INKA2: variants seen among roughly 807,000 people sequenced by gnomAD.
INKA2 encodes the protein PAK4-inhibitor INKA2.
In INKA2, 3 loss-of-function variants were observed where a neutral mutation model predicts 9.8. The ratio of observed to expected loss-of-function variants is 0.31; its 90% CI spans 0.14 to 0.79. The LOEUF is 0.79. Ranked by LOEUF, INKA2 falls within the 30% of genes least tolerant of loss-of-function variation. The probability of loss-of-function intolerance (pLI) is 0.62; values close to 1 mark genes in which losing one functional copy is unlikely to be tolerated. For missense variants in INKA2, 392 were observed against 384.4 expected (o/e 1.02, Z -0.17); for synonymous variants, 147 against 143.3 (o/e 1.03, Z -0.18).
intron 1 of INKA2, among the ~76,000 whole-genome samples, chr1:111,738,368 A>G (rs197439): frequency 0.49 from 73,925 of 151,630 alleles, 19,307 homozygotes; most frequent in African/African-American, 0.69. Context: ...AGCTTTAGCG[A>G]ACACCACTCC....
chr1:111,735,401 T>TA (rs1388208843), intron 1 of INKA2, among the ~76,000 whole-genome samples: 4 of 152,338 alleles, frequency 2.6e-5, no homozygotes, highest in South Asian at 2.1e-4. Flanking sequence ...GCGAGGCACT[T>TA]AAATTGTCAT....
chr1:111,743,352 G>A (rs1251463137), upstream of INKA2, among the ~76,000 whole-genome samples: 3 of 152,200 alleles, frequency 2.0e-5, no homozygotes, highest in African/African-American at 7.2e-5. Flanking sequence ...TTGCCCTCCA[G>A]TGGTCGGTAC....
intron 1 of INKA2, among the ~76,000 whole-genome samples, chr1:111,729,680 A>G (rs186568707): frequency 6.6e-6 from 1 of 152,324 alleles, no homozygotes; most frequent in East Asian, 1.9e-4. Flanking sequence ...GACCCGTGGG[A>G]TCATCTTACC....
At chr1:111,734,953 C>T (rs1662981994) in intron 1 of INKA2, among the ~76,000 whole-genome samples, 1 of 152,214 alleles carries the variant, frequency 6.6e-6, no homozygotes, top group Non-Finnish European at 1.5e-5. Context: ...GCTCTGCAAT[C>T]AGACTGGCGG....
At chr1:111,735,826 G>A (rs763898886) in intron 1 of INKA2, among the ~76,000 whole-genome samples, 1 of 152,172 alleles carries the variant, frequency 6.6e-6, no homozygotes, top group Non-Finnish European at 1.5e-5. Flanking sequence ...AAAAGCTAGA[G>A]AACTGCTTCC....
chr1:111,726,056 T>C lies in INKA2; in HGVS notation c.*912A>G, dbSNP rs949721124. On this transcript the variant is annotated 3_prime_UTR_variant, in exon 2 of 2. Coordinates refer to ENST00000357260, the MANE Select transcript of INKA2 (RefSeq NM_019099.5). ...CCAGCCTGCGGGGTGCTAAGAACTG[T>C]TGGGGAGGAGTGTTGGTAACTCCAG... 8 of 398,530 alleles carry C rather than the reference T, an allele frequency of 2.0e-5. No homozygotes were observed. In the South Asian group the frequency reaches 3.8e-4, roughly 19 times the overall value. The allele number at this position is 398,530 out of a possible 1,614,324, so 24.7% of individuals were successfully genotyped here. A position where few individuals can be genotyped will look rare whatever the true frequency, so the allele number is the denominator to read the frequency against.
At chr1:111,744,199 G>A (rs960189826), upstream of INKA2, among the ~76,000 whole-genome samples, 3 of 152,186 alleles carry the variant, frequency 2.0e-5, no homozygotes, top group African/African-American at 7.2e-5. Flanking sequence ...CAGCTGAGAG[G>A]ATGAAGTGGC....
chr1:111,755,615 C>T, intron 1 of INKA2: 4 of 1,539,384 alleles, frequency 2.6e-6, no homozygotes, highest in Non-Finnish European at 3.5e-6. Flanking sequence ...GGCTGGGCGG[C>T]TCCGCCCAGA....
chr1:111,754,979 C>CCTCTTTGAAAAGAAGAG (rs71078100), intron 1 of INKA2: 1 of 152,008 alleles, frequency 6.6e-6, no homozygotes, highest in South Asian at 2.0e-4. Flanking sequence ...GTGTTCAAGA[C>CCTCTTTGAAAAGAAGAG]CTCTTTGAAA....
chr1:111,755,295 A>G (rs887707981), intron 1 of INKA2: 19 of 211,228 alleles, frequency 9.0e-5, no homozygotes, highest in African/African-American at 4.4e-4. Context: ...TACTTTTATC[A>G]GAGCTCACTG....
intron 1 of INKA2, among the ~76,000 whole-genome samples, chr1:111,749,418 TGG>T (rs34700864): frequency 7.4e-6 from 1 of 134,696 alleles, no homozygotes; most frequent in Non-Finnish European, 1.6e-5. Context: ...CTGTGTGTGT[TGG>T]GGTGTGTGTG....
intron 1 of INKA2, among the ~76,000 whole-genome samples, chr1:111,752,920 G>C (rs1663442068): frequency 6.6e-6 from 1 of 152,072 alleles, no homozygotes. Context: ...GGATGGTCTT[G>C]ATCTCCTGAC....
At chr1:111,733,920 G>C (rs1480501432) in intron 1 of INKA2, among the ~76,000 whole-genome samples, 1 of 152,174 alleles carries the variant, frequency 6.6e-6, no homozygotes, top group East Asian at 1.9e-4. Flanking sequence ...GAGCCTGGCT[G>C]TGTGCCCTGC....
Position 111,726,950 on chromosome 1 carries a change from A to G in INKA2, c.*18T>C, listed in dbSNP as rs776801113. On this transcript the variant is annotated 3_prime_UTR_variant, in exon 2 of 2. Coordinates refer to ENST00000357260, the MANE Select transcript of INKA2 (RefSeq NM_019099.5). ...GACCTGGCCCTTTCAGGCTCAGTCAACTTTCTGTCTCTAGGATTCAGACCC... is the reference window on the plus strand; with the variant it reads ...GACCTGGCCCTTTCAGGCTCAGTCAGCTTTCTGTCTCTAGGATTCAGACCC... The G allele has an allele frequency of 1.2e-6, 2 of 1,605,078 alleles. No individual in the cohort carries two copies. Among genetic ancestry groups the G allele is most frequent in the Non-Finnish European group, 1.7e-6 (2 of 1,174,412 alleles).
chr1:111,738,557 C>T (rs1663058128), intron 1 of INKA2, among the ~76,000 whole-genome samples: 1 of 152,168 alleles, frequency 6.6e-6, no homozygotes, highest in South Asian at 2.1e-4. Flanking sequence ...AGGGCCCTCC[C>T]CCGCCTTTCC....
intron 1 of INKA2, among the ~76,000 whole-genome samples, chr1:111,748,097 C>T (rs1405049402): frequency 6.6e-6 from 1 of 152,210 alleles, no homozygotes; most frequent in Non-Finnish European, 1.5e-5. Context: ...GTTACAATGG[C>T]CTTGTGACCT....
At chr1:111,734,870 G>C (rs748513138) in intron 1 of INKA2, among the ~76,000 whole-genome samples, 1 of 152,110 alleles carries the variant, frequency 6.6e-6, no homozygotes, top group Admixed American at 6.5e-5. Context: ...CACTGAACCC[G>C]TGCTTGTTAT....
At chr1:111,739,439 A>G, upstream of INKA2, 2 of 1,431,802 alleles carry the variant, frequency 1.4e-6, no homozygotes, top group Non-Finnish European at 1.8e-6. Context: ...CTGGGGGTGG[A>G]GGGAAAAGTG....
chr1:111,727,075 G>C lies in INKA2; in HGVS notation c.787C>G (p.Pro263Ala), dbSNP rs916564929. The C allele has an allele frequency of 3.1e-6, 5 of 1,614,022 alleles. No homozygotes were observed. The South Asian group carries it at 4.4e-5, about 14-fold the overall frequency. Reference sequence around the variant, plus strand: ...CCTCGCCTGTGCTCCCCGGTGCCTGGGAAGGGGAAATGTCCAGAGCCCTTG... The same window carrying C: ...CCTCGCCTGTGCTCCCCGGTGCCTGCGAAGGGGAAATGTCCAGAGCCCTTG... ...LSKGSGHFPF[P>A]GTGEHRRGEN... Residue 263 changes from proline to alanine, a missense_variant, in exon 2 of 2, where the codon CCA (proline) becomes GCA (alanine). Transcript: ENST00000357260.
Sources: gnomAD v4.1 joint callset for allele counts (sites outside exome capture counted in the v4.1 genomes callset) on GRCh38, gnomAD v4.1.1 for gene constraint, MANE v1.5 for transcripts, NCBI Gene and HGNC (gene_info 2026-07-23, HGNC 2026-07-21) for gene names.